The following MDGA2 variants were observed in gnomAD, a reference collection of about 807,000 sequenced individuals.
MDGA2 encodes the protein MAM domain containing glycosylphosphatidylinositol anchor 2.
In MDGA2, 40 loss-of-function variants were observed where a neutral mutation model predicts 117.8. The ratio of observed to expected loss-of-function variants is 0.34; its 90% CI spans 0.26 to 0.44. The LOEUF is 0.44. Ranked by LOEUF, MDGA2 falls within the 20% of genes least tolerant of loss-of-function variation. The pLI is 1.00. For synonymous variants in MDGA2, 452 were observed against 439.0 expected, an observed-to-expected ratio of 1.03 and a Z score of -0.37; for missense variants, 1,123 against 1,250.6, an observed-to-expected ratio of 0.90 and a Z score of 1.54.
intron 4 of MDGA2, among the ~76,000 whole-genome samples, chr14:47,142,515 T>G (rs1197612572): frequency 2.6e-5 from 4 of 152,118 alleles, no homozygotes; most frequent in Non-Finnish European, 5.9e-5. Flanking sequence ...TGTTTAGAAT[T>G]TCCTCATTAT....
chr14:46,906,972 C>CTTTTTTTTTTTTTTTTTTTTTTTTTTTTT (rs372756942), intron 10 of MDGA2, among the ~76,000 whole-genome samples: 1 of 99,564 alleles, frequency 1.0e-5, no homozygotes, highest in Non-Finnish European at 1.9e-5. Context: ...TTACCTTTTT[C>CTTTTTTTTTTTTTTTTTTTTTTTTTTTTT]TTTTTTTTTT....
chr14:47,236,221 G>A (rs368247451), intron 2 of MDGA2, among the ~76,000 whole-genome samples: 49 of 150,956 alleles, frequency 3.2e-4, no homozygotes, highest in African/African-American at 1.1e-3. Flanking sequence ...AACCCAGGAG[G>A]CGGAGCTTGC....
chr14:47,404,217 G>A (rs934513297), intron 1 of MDGA2, among the ~76,000 whole-genome samples: 3 of 147,960 alleles, frequency 2.0e-5, no homozygotes, highest in East Asian at 2.0e-4. Context: ...ACAGGGTCTC[G>A]CTCTTTCACC....
intron 1 of MDGA2, among the ~76,000 whole-genome samples, chr14:47,368,544 T>C (rs1364758588): frequency 6.6e-6 from 1 of 152,192 alleles, no homozygotes; most frequent in Non-Finnish European, 1.5e-5. Flanking sequence ...TGCAAGGTTA[T>C]GCTTTGCGGG....
At chr14:47,534,055 G>A (rs1201572345) in intron 1 of MDGA2, among the ~76,000 whole-genome samples, 1 of 152,028 alleles carries the variant, frequency 6.6e-6, no homozygotes, top group Non-Finnish European at 1.5e-5. Flanking sequence ...ATATGTGTAG[G>A]GAGCCTCATG....
chr14:46,872,284 T>C, intron 14 of MDGA2, among the ~76,000 whole-genome samples: 1 of 152,144 alleles, frequency 6.6e-6, no homozygotes, highest in South Asian at 2.1e-4. Flanking sequence ...ACTATCACTT[T>C]ATTAATTTAT....
At chr14:47,602,566 G>A (rs1350391656) in intron 1 of MDGA2, among the ~76,000 whole-genome samples, 1 of 152,022 alleles carries the variant, frequency 6.6e-6, no homozygotes, top group Non-Finnish European at 1.5e-5. Context: ...TTAGTTTCCT[G>A]CAATGTCTCT....
chr14:47,106,095 T>C (rs1880656395), intron 5 of MDGA2, among the ~76,000 whole-genome samples: 1 of 152,170 alleles, frequency 6.6e-6, no homozygotes, highest in South Asian at 2.1e-4. Context: ...TTTAGGCTTT[T>C]TTTCATCAAA....
chr14:46,895,225 C>T (rs1478464814), intron 10 of MDGA2, among the ~76,000 whole-genome samples: 2 of 152,068 alleles, frequency 1.3e-5, no homozygotes, highest in Non-Finnish European at 2.9e-5. Context: ...GGGGCAGTTA[C>T]CCCCATACTG....
chr14:47,492,442 C>G (rs1016941648), intron 1 of MDGA2, among the ~76,000 whole-genome samples: 16 of 151,872 alleles, frequency 1.1e-4, no homozygotes, highest in Admixed American at 9.8e-4. Context: ...ATAATGAGTG[C>G]TCATTTTATA....
chr14:46,871,805 A>G, intron 14 of MDGA2: 1 of 262,768 alleles, frequency 3.8e-6, no homozygotes, highest in South Asian at 3.8e-5. Flanking sequence ...GCTACAGCCA[A>G]GTTCCTGCCC....
At position 47,609,428 on chromosome 14, in the gene MDGA2, C is replaced by CACATATATATATATATATATAT. The variant is rs1477357010; in HGVS notation, c.280+65088_280+65089insATATATATATATATATATATGT. On this transcript the variant is annotated intron_variant, in intron 1 of 16. Coordinates refer to ENST00000399232, the MANE Select transcript of MDGA2 (RefSeq NM_001113498.3). ...TTTCTATGGCTGAGTAGTATTCCAT[C>CACATATATATATATATATATAT]ATATATATATATATATATATATATA... 4.9e-3 allele frequency among the ~76,000 whole-genome samples: 86 copies of CACATATATATATATATATATAT among 17,560 alleles called. 6 individuals are homozygous for CACATATATATATATATATATAT. Among genetic ancestry groups the CACATATATATATATATATATAT allele is most frequent in the Non-Finnish European group, 9.7e-3 (70 of 7,198 alleles). 11.5% of individuals were successfully genotyped at this position (17,560 alleles called of 152,430 possible). A position where few individuals can be genotyped will look rare whatever the true frequency, so the allele number is the denominator to read the frequency against.
chr14:47,440,193 G>C (rs1056170542), intron 1 of MDGA2, among the ~76,000 whole-genome samples: 4 of 152,080 alleles, frequency 2.6e-5, no homozygotes, highest in African/African-American at 9.7e-5. Context: ...GAGGAAAGCA[G>C]CCCTTCAGCT....
At chr14:47,067,500 T>G (rs1023834681) in intron 6 of MDGA2, among the ~76,000 whole-genome samples, 4 of 152,240 alleles carry the variant, frequency 2.6e-5, no homozygotes, top group African/African-American at 9.6e-5. Flanking sequence ...GGAATGATCT[T>G]AATTTTTTAA....
intron 1 of MDGA2, among the ~76,000 whole-genome samples, chr14:47,638,073 C>A (rs1897355820): frequency 6.6e-6 from 1 of 152,074 alleles, no homozygotes; most frequent in Non-Finnish European, 1.5e-5. Flanking sequence ...ATGCCTAAAG[C>A]AAATAATTTA....
intron 8 of MDGA2, among the ~76,000 whole-genome samples, chr14:46,989,826 G>T (rs943677634): frequency 2.6e-5 from 4 of 151,970 alleles, no homozygotes; most frequent in African/African-American, 9.7e-5. Flanking sequence ...AAATCAAAAA[G>T]AATTCTCAGA....
At chr14:46,894,836 A>T (rs906152342) in intron 10 of MDGA2, among the ~76,000 whole-genome samples, 15 of 152,182 alleles carry the variant, frequency 9.9e-5, no homozygotes, top group Non-Finnish European at 2.1e-4. Context: ...CTTCTGATAA[A>T]TTACTATGAA....
chr14:47,424,164 T>C (rs1490692863), intron 1 of MDGA2, among the ~76,000 whole-genome samples: 1 of 152,042 alleles, frequency 6.6e-6, no homozygotes. Context: ...CTCACACCTA[T>C]AATCCCAGCA....
intron 1 of MDGA2, among the ~76,000 whole-genome samples, chr14:47,609,464 T>TATATATATAA (rs1385750946): frequency 8.4e-6 from 1 of 119,136 alleles, no homozygotes; most frequent in Non-Finnish European, 1.8e-5. Context: ...TATATATATA[T>TATATATATAA]AAGTTTCTTT....
Sources: gnomAD v4.1 joint callset for allele counts (sites outside exome capture counted in the v4.1 genomes callset) on GRCh38, gnomAD v4.1.1 for gene constraint, MANE v1.5 for transcripts, NCBI Gene and HGNC (gene_info 2026-07-23, HGNC 2026-07-21) for gene names.